The following JPH2 variants were observed in gnomAD, a reference collection of about 807,000 sequenced individuals.
JPH2 encodes junctophilin 2.
A neutral mutation model predicts 55.9 loss-of-function variants in JPH2; 38 were observed. That is an observed-to-expected ratio of 0.68 (90% CI 0.52 to 0.89). JPH2 has a LOEUF of 0.89. JPH2 is among the 40% of genes least tolerant of loss of function. The pLI is 0.00. For missense variants in JPH2, 964 were observed against 1,037.6 expected, an observed-to-expected ratio of 0.93 and a Z score of 0.97; for synonymous variants, 480 against 472.4, an observed-to-expected ratio of 1.02 and a Z score of -0.21.
chr20:44,181,028 G>T (rs1176709594), intron 1 of JPH2, among the ~76,000 whole-genome samples: 2 of 152,030 alleles, frequency 1.3e-5, no homozygotes, highest in African/African-American at 4.8e-5. Context: ...ATGGCCAGGG[G>T]AGGAATGAGG....
chr20:44,175,890 G>A (rs1347578016), intron 1 of JPH2, among the ~76,000 whole-genome samples: 2 of 152,124 alleles, frequency 1.3e-5, no homozygotes, highest in African/African-American at 4.8e-5. Context: ...GGTCTAAAAG[G>A]AGACCCACCT....
At chr20:44,177,315 A>G in intron 1 of JPH2, 1 of 986,164 alleles carries the variant, frequency 1.0e-6, no homozygotes, top group Non-Finnish European at 1.2e-6. Flanking sequence ...ATTCCTCATG[A>G]GGGTGTGGAG....
chr20:44,128,691 A>AT (rs919949954), intron 2 of JPH2, among the ~76,000 whole-genome samples: 21 of 149,030 alleles, frequency 1.4e-4, no homozygotes, highest in East Asian at 3.9e-4. Context: ...TCTTTTTAAC[A>AT]TTTTTTTTTT....
At chr20:44,114,250 G>A (rs2072168943) in intron 5 of JPH2, among the ~76,000 whole-genome samples, 1 of 152,174 alleles carries the variant, frequency 6.6e-6, no homozygotes, top group African/African-American at 2.4e-5. Context: ...GAGCAGGCTG[G>A]GTGTGCCAAG....
Position 44,111,389 on chromosome 20 carries a change from C to T in JPH2, c.*2129G>A, listed in dbSNP as rs950011307. Among the ~76,000 whole-genome samples, 2 of 152,272 alleles carry T rather than the reference C, an allele frequency of 1.3e-5. No homozygotes were observed. The highest frequency in any genetic ancestry group is 1.3e-4 in the Admixed American group (2 of 15,284). The stretch of plus-strand genomic sequence containing the variant: ...TTTTATAGATGAGAAAACTGAGGCT[C>T]AGAGAAGCGAAGAAAGTGGCTGGGC... On this transcript the variant is annotated 3_prime_UTR_variant, in exon 6 of 6. Transcript: ENST00000372980.
chr20:44,133,433 C>A (rs920346858), intron 2 of JPH2, among the ~76,000 whole-genome samples: 4 of 151,908 alleles, frequency 2.6e-5, no homozygotes, highest in Non-Finnish European at 5.9e-5. Flanking sequence ...TTATTATGTC[C>A]ACTGAATAGG....
At chr20:44,139,727 C>T (rs1277849057) in intron 2 of JPH2, among the ~76,000 whole-genome samples, 1 of 152,052 alleles carries the variant, frequency 6.6e-6, no homozygotes, top group African/African-American at 2.4e-5. Context: ...TCATATTTTC[C>T]ATCTTAATAG....
At chr20:44,157,522 A>G (rs2072574405) in intron 2 of JPH2, among the ~76,000 whole-genome samples, 1 of 152,122 alleles carries the variant, frequency 6.6e-6, no homozygotes, top group Non-Finnish European at 1.5e-5. Context: ...CTGCATGTTA[A>G]TCTTCATCTC....
chr20:44,170,606 A>C (rs963302235), intron 1 of JPH2, among the ~76,000 whole-genome samples: 1 of 152,216 alleles, frequency 6.6e-6, no homozygotes, highest in African/African-American at 2.4e-5. Flanking sequence ...GACACCACAC[A>C]GATGCTCCTG....
At chr20:44,114,061 C>G (rs903369816) in intron 5 of JPH2, among the ~76,000 whole-genome samples, 1 of 152,218 alleles carries the variant, frequency 6.6e-6, no homozygotes, top group Admixed American at 6.5e-5. Context: ...GGGATTGAGG[C>G]TGTGAAGGCT....
chr20:44,184,250 AT>A (rs2072812306), intron 1 of JPH2, among the ~76,000 whole-genome samples: 1 of 152,150 alleles, frequency 6.6e-6, no homozygotes, highest in South Asian at 2.1e-4. Context: ...GGGCTTTCAA[AT>A]AATTTCACAT....
At chr20:44,157,447 C>G (rs897773570) in intron 2 of JPH2, among the ~76,000 whole-genome samples, 20 of 152,162 alleles carry the variant, frequency 1.3e-4, no homozygotes, top group African/African-American at 4.1e-4. Context: ...TGTCTCCCAC[C>G]GCCCAGTCCG....
In JPH2 at chr20:44,116,129, G is replaced by T. The variant is rs1477271935; in HGVS notation, c.1546C>A (p.Pro516Thr). The change falls in exon 4 of 6, where the codon CCC becomes ACC. Residue 516 changes from proline (P) to threonine (T), a missense_variant. Transcript: ENST00000372980. The part of the protein sequence containing the change: ...LLSPGAWNGE[P>T]SGEGSRSVTP... ...ACTGACCGGCTGCCCTCACCGCTGG[G>T]CTCGCCGTTCCAGGCGCCTGGGCTC... 1.4e-6 allele frequency: 2 copies of T among 1,448,848 alleles called. No homozygotes were observed. Among genetic ancestry groups the T allele is most frequent in the African/African-American group, 3.0e-5 (2 of 67,254 alleles). 89.7% of individuals were successfully genotyped at this position (1,448,848 alleles called of 1,614,324 possible). A position where few individuals can be genotyped will look rare whatever the true frequency, so the allele number is the denominator to read the frequency against.
rs373163039 is a variant in JPH2 at position 44,186,793 on chromosome 20, G to A, written c.-88C>T. Reference sequence around the variant, plus strand: ...CCTGCAACACTCCTCCAGTGCCCTCGGGGGCAGGCCCCCAGACTCACCACT... The same window carrying A: ...CCTGCAACACTCCTCCAGTGCCCTCAGGGGCAGGCCCCCAGACTCACCACT... On this transcript the variant is annotated 5_prime_UTR_variant, in exon 1 of 6. Transcript: ENST00000372980. The A allele has an allele frequency of 2.7e-4, 364 of 1,362,870 alleles. No homozygotes were observed. In the African/African-American group the frequency reaches 3.9e-3, roughly 15 times the overall value. The allele number at this position is 1,362,870 out of a possible 1,614,324, so 84.4% of individuals were successfully genotyped here.
chr20:44,141,605 C>T (rs1249289367), intron 2 of JPH2, among the ~76,000 whole-genome samples: 1 of 152,020 alleles, frequency 6.6e-6, no homozygotes, highest in Non-Finnish European at 1.5e-5. Context: ...AACTCCTGGG[C>T]TCAAGGGATC....
intron 5 of JPH2, 30 bp downstream of exon 5, chr20:44,114,752 C>G (rs1222031053): frequency 6.5e-7 from 1 of 1,536,138 alleles, no homozygotes; most frequent in African/African-American, 1.4e-5. Context: ...CTCCTGCCCC[C>G]CAACCCCTCC....
At chr20:44,133,356 T>G (rs2072338316) in intron 2 of JPH2, among the ~76,000 whole-genome samples, 1 of 152,000 alleles carries the variant, frequency 6.6e-6, no homozygotes, top group Non-Finnish European at 1.5e-5. Context: ...ATCTCACATC[T>G]ATTGGTACTA....
Position 44,112,265 on chromosome 20 carries a change from G to A in JPH2, c.*1253C>T, listed in dbSNP as rs1419249508. ...GGATGCCACGTCCTTCCCCAGGCTT[G>A]GAGGGGCCTGGAAGCCCTTTCTCTC... On this transcript the variant is annotated 3_prime_UTR_variant, in exon 6 of 6. Coordinates refer to ENST00000372980, the MANE Select transcript of JPH2 (RefSeq NM_020433.5). 6.6e-6 allele frequency: 1 copy of A among 152,276 alleles called. No homozygotes were observed. The highest frequency in any genetic ancestry group is 1.9e-4 in the East Asian group (1 of 5,186). 9.4% of individuals were successfully genotyped at this position (152,276 alleles called of 1,614,324 possible).
At position 44,138,303 on chromosome 20, in the gene JPH2, T is replaced by C. The variant is rs116913251; in HGVS notation, c.1170-19680A>G. Among the ~76,000 whole-genome samples the C allele has an allele frequency of 4.3e-3, 654 of 151,896 alleles. 4 individuals carry two copies. Among genetic ancestry groups the C allele is most frequent in the Non-Finnish European group, 7.7e-3 (521 of 67,966 alleles). ...AAAGTGTAATCCCAAAGTGCTGGGA[T>C]TACAGGCGTGAGCTTTAATGCGTCT... On this transcript the variant is annotated intron_variant, in intron 2 of 5. Coordinates refer to ENST00000372980, the MANE Select transcript of JPH2 (RefSeq NM_020433.5).
Sources: gnomAD v4.1 joint callset for allele counts (sites outside exome capture counted in the v4.1 genomes callset) on GRCh38, gnomAD v4.1.1 for gene constraint, MANE v1.5 for transcripts, NCBI Gene and HGNC (gene_info 2026-07-23, HGNC 2026-07-21) for gene names.